Variants in BIVM observed in about 807,000 individuals in gnomAD.
The protein encoded by BIVM is basic immunoglobulin-like variable motif-containing protein.
A neutral mutation model predicts 61.4 loss-of-function variants in BIVM; 31 were observed. The observed-to-expected ratio is 0.51, with a 90% confidence interval of 0.38 to 0.68. The LOEUF (loss-of-function observed/expected upper bound fraction) is 0.68. Ranked by LOEUF, BIVM falls within the 30% of genes least tolerant of loss-of-function variation. The pLI is 0.00. For synonymous variants in BIVM, 189 were observed against 210.7 expected (o/e 0.90, Z 0.89); for missense variants, 526 against 596.0 (o/e 0.88, Z 1.22).
chr13:102,800,371 G>A (rs1331082906), intron 1 of BIVM: 1 of 152,342 alleles, frequency 6.6e-6, no homozygotes. Context: ...AGGGAAGGTA[G>A]AGGAGGGAGT....
In BIVM at chr13:102,809,787, C is replaced by CTTTTT. The variant is rs71292825; in HGVS notation, c.478+2052_478+2056dup. Among the ~76,000 whole-genome samples, 16 of 127,322 alleles carry CTTTTT rather than the reference C, an allele frequency of 1.3e-4. No individual in the cohort carries two copies. The South Asian group carries it at 3.8e-3, about 30-fold the overall frequency. The allele number at this position is 127,322 out of a possible 152,430, so 83.5% of individuals were successfully genotyped here. On this transcript the variant is annotated intron_variant, in intron 3 of 10. Transcript: ENST00000257336. ...AAATCTCTTTCCTTTTCTTTTCTTT[C>CTTTTT]TTTTTTTTTTTTTTCTGAGACAGAG... is the stretch of plus-strand genomic sequence containing the variant.
At chr13:102,806,275 A>C (rs985025021) in intron 2 of BIVM, among the ~76,000 whole-genome samples, 1 of 152,084 alleles carries the variant, frequency 6.6e-6, no homozygotes, top group Non-Finnish European at 1.5e-5. Context: ...TTTTTGATAC[A>C]GTCTCGCTCT....
chr13:102,810,406 C>G (rs944414103), intron 3 of BIVM, among the ~76,000 whole-genome samples: 9 of 152,076 alleles, frequency 5.9e-5, no homozygotes, highest in Non-Finnish European at 1.2e-4. Context: ...GTGTGTGAAC[C>G]CACGTATACA....
intron 1 of BIVM, among the ~76,000 whole-genome samples, chr13:102,801,041 T>C (rs1878725969): frequency 6.6e-6 from 1 of 152,234 alleles, no homozygotes; most frequent in South Asian, 2.1e-4. Context: ...CGATGAAGAT[T>C]GGCTTTACAA....
intron 3 of BIVM, among the ~76,000 whole-genome samples, chr13:102,808,832 G>T (rs188315844): frequency 6.6e-6 from 1 of 151,902 alleles, no homozygotes; most frequent in Non-Finnish European, 1.5e-5. Flanking sequence ...CAAATTTGGG[G>T]GCTTAAAGTT....
intron 3 of BIVM, among the ~76,000 whole-genome samples, chr13:102,813,675 T>TA (rs1459725598): frequency 6.6e-6 from 1 of 152,192 alleles, no homozygotes; most frequent in Non-Finnish European, 1.5e-5. Context: ...ACTATTATGT[T>TA]ATGGCAACTC....
At chr13:102,811,227 A>G (rs2139165886) in intron 3 of BIVM, among the ~76,000 whole-genome samples, 2 of 152,330 alleles carry the variant, frequency 1.3e-5, no homozygotes, top group Middle Eastern at 3.4e-3. Context: ...CATTTCAACC[A>G]GCAGGAATCC....
At chr13:102,814,080 T>C (rs1272478018) in intron 3 of BIVM, among the ~76,000 whole-genome samples, 7 of 152,146 alleles carry the variant, frequency 4.6e-5, no homozygotes, top group Admixed American at 4.6e-4. Context: ...TGTGTGTGTA[T>C]GTGTCTGTGT....
intron 3 of BIVM, among the ~76,000 whole-genome samples, chr13:102,810,197 C>A (rs1028174061): frequency 2.6e-5 from 4 of 152,172 alleles, no homozygotes; most frequent in Non-Finnish European, 5.9e-5. Context: ...ATTCTAGGTA[C>A]CTTATGTAAG....
At chr13:102,817,867 A>G (rs1879982531) in intron 4 of BIVM, among the ~76,000 whole-genome samples, 1 of 152,180 alleles carries the variant, frequency 6.6e-6, no homozygotes, top group Non-Finnish European at 1.5e-5. Context: ...ATGACATTTT[A>G]GAAATATATT....
chr13:102,805,069 G>T (rs1418710121), intron 1 of BIVM, among the ~76,000 whole-genome samples: 4 of 152,148 alleles, frequency 2.6e-5, no homozygotes, highest in Admixed American at 6.5e-5. Context: ...AAGCAAATGG[G>T]CAGAGATATT....
At chr13:102,824,720 G>A (rs1394369365) in intron 7 of BIVM, among the ~76,000 whole-genome samples, 2 of 152,058 alleles carry the variant, frequency 1.3e-5, no homozygotes. Flanking sequence ...ATTTTCACAT[G>A]TCACAAAATA....
intron 3 of BIVM, among the ~76,000 whole-genome samples, chr13:102,808,509 G>T (rs1232970522): frequency 1.3e-5 from 2 of 152,040 alleles, no homozygotes; most frequent in African/African-American, 4.8e-5. Flanking sequence ...GCTTCTGCTT[G>T]TTTATCTGCA....
chr13:102,817,984 A>C (rs1879989200), intron 4 of BIVM, among the ~76,000 whole-genome samples: 1 of 152,214 alleles, frequency 6.6e-6, no homozygotes, highest in Non-Finnish European at 1.5e-5. Context: ...AGTTGAGGTG[A>C]GGGGACTAAA....
chr13:102,804,969 A>T (rs944278513), intron 1 of BIVM, among the ~76,000 whole-genome samples: 2 of 152,162 alleles, frequency 1.3e-5, no homozygotes, highest in African/African-American at 4.8e-5. Context: ...AGCCTAACTC[A>T]TAGGCTTTCG....
intron 7 of BIVM, among the ~76,000 whole-genome samples, chr13:102,830,197 T>C (rs2140491090): frequency 6.6e-6 from 1 of 152,322 alleles, no homozygotes; most frequent in African/African-American, 2.4e-5. Flanking sequence ...TTATTCCACC[T>C]TATATAAAAG....
At chr13:102,809,854 C>T (rs1879366489) in intron 3 of BIVM, among the ~76,000 whole-genome samples, 1 of 150,738 alleles carries the variant, frequency 6.6e-6, no homozygotes, top group South Asian at 2.1e-4. Context: ...GGCGCGATCT[C>T]GGCTCACTGC....
chr13:102,806,262 T>C (rs548423776), intron 2 of BIVM, among the ~76,000 whole-genome samples: 12 of 152,206 alleles, frequency 7.9e-5, no homozygotes, highest in Admixed American at 3.9e-4. Flanking sequence ...CCATTTATTT[T>C]TATTTTTGAT....
chr13:102,811,759 G>A (rs961602924), intron 3 of BIVM, among the ~76,000 whole-genome samples: 7 of 152,180 alleles, frequency 4.6e-5, no homozygotes, highest in Non-Finnish European at 8.8e-5. Context: ...CTGACCTCAG[G>A]TCATCCGCCT....
Sources: allele counts gnomAD v4.1 joint callset (sites outside exome capture counted in the v4.1 genomes callset), GRCh38; gene constraint gnomAD v4.1.1; transcripts MANE v1.5; gene names NCBI Gene and HGNC (gene_info 2026-07-23, HGNC 2026-07-21).